PTPRN2: variants seen among roughly 807,000 people sequenced by gnomAD.
PTPRN2 encodes the protein receptor-type tyrosine-protein phosphatase N2.
PTPRN2 carries 74 observed loss-of-function variants against 118.8 expected under a neutral mutation model. The observed-to-expected ratio is 0.62, with a 90% confidence interval of 0.52 to 0.76. The LOEUF is 0.76. Among genes scored for constraint, PTPRN2 ranks in the 30% least tolerant of loss-of-function variants. PTPRN2 has a pLI of 0.00. For synonymous variants in PTPRN2, 641 were observed against 608.0 expected (o/e 1.05, Z -0.80); for missense variants, 1,481 against 1,394.4 (o/e 1.06, Z -0.99).
intron 2 of PTPRN2, among the ~76,000 whole-genome samples, chr7:158,380,807 C>T (rs1013456703): frequency 2.0e-5 from 3 of 152,256 alleles, no homozygotes; most frequent in Admixed American, 6.5e-5. Flanking sequence ...GCCTGGGCAT[C>T]CAGGCATTTC....
chr7:158,236,285 C>T (rs1176276252), intron 3 of PTPRN2, among the ~76,000 whole-genome samples: 1 of 152,168 alleles, frequency 6.6e-6, no homozygotes, highest in African/African-American at 2.4e-5. Flanking sequence ...GCAATGTCTT[C>T]AGAGGAGCCC....
In PTPRN2 at chr7:157,622,160, C is replaced by A. The variant is rs891480558; in HGVS notation, c.2197-651G>T. ...CCCACTCGGTTCTTATTCATCTGTA[C>A]CGTTGAGAACAAGCCCTGATTTTAA... is the stretch of plus-strand genomic sequence containing the variant. On this transcript the variant is annotated intron_variant, in intron 14 of 22. Coordinates refer to ENST00000389418, the MANE Select transcript of PTPRN2 (RefSeq NM_002847.5). The surrounding 1 kb of genome is among the most constrained non-coding windows in gnomAD (Gnocchi z 5.3). 6.6e-6 allele frequency among the ~76,000 whole-genome samples: 1 copy of A among 152,074 alleles called. No individual in the cohort carries two copies. Among genetic ancestry groups the A allele is most frequent in the Admixed American group, 6.6e-5 (1 of 15,262 alleles).
chr7:158,263,357 T>C (rs1797661635), intron 3 of PTPRN2, among the ~76,000 whole-genome samples: 1 of 151,142 alleles, frequency 6.6e-6, no homozygotes, highest in African/African-American at 2.4e-5. Flanking sequence ...TGTACACATA[T>C]GAGCACACAC....
chr7:157,910,439 G>A (rs939396926), intron 11 of PTPRN2, among the ~76,000 whole-genome samples: 11 of 142,472 alleles, frequency 7.7e-5, no homozygotes, highest in Non-Finnish European at 1.5e-4. Context: ...ACGGGTCCAG[G>A]ATCAGGCACG....
At chr7:157,702,661 C>T (rs1798136986) in intron 12 of PTPRN2, among the ~76,000 whole-genome samples, 1 of 152,246 alleles carries the variant, frequency 6.6e-6, no homozygotes, top group Non-Finnish European at 1.5e-5. Flanking sequence ...AAAAGGCAGG[C>T]AGCAGCTCAG....
intron 4 of PTPRN2, among the ~76,000 whole-genome samples, chr7:158,200,371 G>T (rs993745770): frequency 6.6e-6 from 1 of 152,202 alleles, no homozygotes; most frequent in Non-Finnish European, 1.5e-5. Flanking sequence ...CGCCGAGGAC[G>T]AGCTGACGCA....
At chr7:157,606,672 G>A (rs933781899) in intron 15 of PTPRN2, among the ~76,000 whole-genome samples, 7 of 152,250 alleles carry the variant, frequency 4.6e-5, no homozygotes, top group African/African-American at 1.7e-4. Flanking sequence ...TCCTGTGGGC[G>A]CTGGCACCAG....
At chr7:157,658,276 C>A (rs755928240) in intron 13 of PTPRN2, among the ~76,000 whole-genome samples, 3 of 152,186 alleles carry the variant, frequency 2.0e-5, no homozygotes, top group African/African-American at 2.4e-5. Flanking sequence ...CTCATTCTGA[C>A]GTTTCTTTCT....
chr7:158,333,859 G>C (rs1305170549), intron 2 of PTPRN2, among the ~76,000 whole-genome samples: 4 of 141,176 alleles, frequency 2.8e-5, no homozygotes, highest in East Asian at 2.3e-4. Context: ...GACACCCGCA[G>C]ACGTCACTCA....
intron 12 of PTPRN2, among the ~76,000 whole-genome samples, chr7:157,765,250 C>CCA (rs1802383803): frequency 6.6e-6 from 1 of 151,236 alleles, no homozygotes; most frequent in Non-Finnish European, 1.5e-5. Flanking sequence ...ACCCACCCAC[C>CCA]TGTCATTCAT....
chr7:158,214,858 C>T (rs756159518), intron 3 of PTPRN2, among the ~76,000 whole-genome samples: 14 of 152,162 alleles, frequency 9.2e-5, no homozygotes, highest in Non-Finnish European at 1.6e-4. Flanking sequence ...ATCACCACCA[C>T]CACCCCTTAC....
chr7:158,188,691 A>G (rs534496069), intron 5 of PTPRN2, among the ~76,000 whole-genome samples: 1 of 138,810 alleles, frequency 7.2e-6, no homozygotes, highest in African/African-American at 2.7e-5. Flanking sequence ...TGTACTGGAA[A>G]GGCCGCCACG....
chr7:158,520,187 C>T (rs186744829), intron 1 of PTPRN2, among the ~76,000 whole-genome samples: 11 of 152,308 alleles, frequency 7.2e-5, no homozygotes, highest in Admixed American at 6.5e-5. Flanking sequence ...AGCCCTGACA[C>T]GGAGGCAGAA....
chr7:158,098,305 G>C (rs1157168140), intron 10 of PTPRN2, among the ~76,000 whole-genome samples: 1 of 152,094 alleles, frequency 6.6e-6, no homozygotes, highest in Non-Finnish European at 1.5e-5. Context: ...GAGGCCACCG[G>C]GGGGGCTCCC....
Position 158,133,909 on chromosome 7 carries a change from C to A in PTPRN2, c.1324G>T (p.Ala442Ser), listed in dbSNP as rs774242135. 1 of 1,613,872 alleles carries A rather than the reference C, an allele frequency of 6.2e-7. No homozygotes were observed. Among genetic ancestry groups the A allele is most frequent in the Admixed American group, 1.7e-5 (1 of 60,006 alleles). Residue 442 changes from alanine to serine, a missense_variant, in exon 9 of 23, where the codon GCC becomes TCC. Around this residue, in one of 3 missense-constraint regions of PTPRN2, gnomAD observed 1,115 missense variants for 994.2 expected, o/e 1.12. Transcript: ENST00000389418. Reference protein sequence around the residue: ...ESSLSSEEETAGVENVKSQTY... With the variant: ...ESSLSSEEETSGVENVKSQTY... ...TGGCTCTTGACGTTCTCCACTCCGG[C>A]AGTCTCCTCTTCTGAAGACAGGGAA...
At chr7:157,675,393 A>G (rs1054065563) in intron 13 of PTPRN2, among the ~76,000 whole-genome samples, 4 of 152,144 alleles carry the variant, frequency 2.6e-5, no homozygotes, top group African/African-American at 9.7e-5. Context: ...AGGGCCCCGG[A>G]CCACACAGGG....
At chr7:158,375,137 A>G (rs1810401096) in intron 2 of PTPRN2, among the ~76,000 whole-genome samples, 1 of 152,126 alleles carries the variant, frequency 6.6e-6, no homozygotes, top group Non-Finnish European at 1.5e-5. Flanking sequence ...CCTAAATATG[A>G]GAGGCAGTGG....
chr7:157,968,481 T>C (rs55861834), intron 11 of PTPRN2, among the ~76,000 whole-genome samples: 27,099 of 152,186 alleles, frequency 0.18, 2,467 homozygotes, highest in Non-Finnish European at 0.2. Context: ...TTTCAAGAGT[T>C]TCTGGGTCTC....
At chr7:158,403,872 T>C (rs528534203) in intron 2 of PTPRN2, among the ~76,000 whole-genome samples, 2 of 152,380 alleles carry the variant, frequency 1.3e-5, no homozygotes, top group African/African-American at 2.4e-5. Context: ...ATTTGCTTTA[T>C]GCCTTTAGCT....
Sources: gnomAD v4.1 joint callset for allele counts (sites outside exome capture counted in the v4.1 genomes callset) on GRCh38, gnomAD v4.1.1 for gene constraint, gnomAD v4.1.1 regional missense constraint, Gnocchi (gnomAD v3.1) non-coding constraint, MANE v1.5 for transcripts, NCBI Gene and HGNC (gene_info 2026-07-23, HGNC 2026-07-21) for gene names.